The following RAB3IL1 variants were observed in gnomAD, a reference collection of about 807,000 sequenced individuals.
RAB3IL1 encodes the protein guanine nucleotide exchange factor for Rab-3A.
A neutral mutation model predicts 49.2 loss-of-function variants in RAB3IL1; 37 were observed. The observed-to-expected ratio is 0.75, with a 90% confidence interval of 0.58 to 0.99. The LOEUF is 0.99. Ranked by LOEUF, RAB3IL1 falls within the 50% of genes least tolerant of loss-of-function variation. The pLI is 0.00. For missense variants in RAB3IL1, 484 were observed against 513.0 expected, an observed-to-expected ratio of 0.94 and a Z score of 0.55; for synonymous variants, 193 against 213.9, an observed-to-expected ratio of 0.90 and a Z score of 0.85.
intron 1 of RAB3IL1, among the ~76,000 whole-genome samples, chr11:61,909,201 G>A (rs1038335403): frequency 6.6e-6 from 1 of 152,198 alleles, no homozygotes; most frequent in Non-Finnish European, 1.5e-5. Context: ...GGGGATGGGG[G>A]GCTGGGCGGG....
At chr11:61,930,427 G>A in the RAB3IL1 span, among the ~76,000 whole-genome samples, 313 of 152,298 alleles carry the variant, frequency 2.1e-3, no homozygotes, top group Middle Eastern at 6.8e-3. Flanking sequence ...ATAAGGATAT[G>A]GAAAGGGTGA....
chr11:61,931,835 G>T, the RAB3IL1 span, among the ~76,000 whole-genome samples: 35 of 152,236 alleles, frequency 2.3e-4, no homozygotes, highest in African/African-American at 7.9e-4. Context: ...AATGAGTAAG[G>T]TTGGAAGACA....
chr11:61,906,544 C>T lies in RAB3IL1; in HGVS notation c.579G>A (p.Lys193=), dbSNP rs1375377182. The T allele has an allele frequency of 2.5e-6, 4 of 1,576,020 alleles. No individual in the cohort carries two copies. Among genetic ancestry groups the T allele is most frequent in the Non-Finnish European group, 1.7e-6 (2 of 1,161,554 alleles). ...CGGGGCAGAGGGTGCTGCTGGTGCTCTTGTGGCGAGAGTGGCCCTTTCGGG... is the reference window on the plus strand; with the variant it reads ...CGGGGCAGAGGGTGCTGCTGGTGCTTTTGTGGCGAGAGTGGCCCTTTCGGG... ...AGPRKGHSRH[K]STSSTLCPAV... is the part of the protein sequence containing the mutation. The change falls in exon 5 of 10, where the codon AAG becomes AAA. Residue 193 remains lysine, a synonymous_variant. Transcript: ENST00000394836. This position sits in a 1 kb window ranked among gnomAD's most constrained non-coding sequence, Gnocchi z 4.6.
At chr11:61,903,697 T>C (rs181007753) in intron 7 of RAB3IL1, among the ~76,000 whole-genome samples, 123 of 152,254 alleles carry the variant, frequency 8.1e-4, no homozygotes, top group Non-Finnish European at 2.5e-4. Flanking sequence ...CTAACTTTTA[T>C]ATCTTTAGTA....
the RAB3IL1 span, among the ~76,000 whole-genome samples, chr11:61,940,851 T>G: frequency 6.6e-6 from 1 of 150,690 alleles, no homozygotes; most frequent in East Asian, 2.0e-4. Flanking sequence ...ACCCGGGAGG[T>G]GGAGGTTGCA....
intron 1 of RAB3IL1, among the ~76,000 whole-genome samples, chr11:61,916,937 G>T (rs1441930697): frequency 1.4e-5 from 2 of 145,762 alleles, no homozygotes; most frequent in Non-Finnish European, 3.0e-5. Flanking sequence ...CCCTGGCAAA[G>T]ACCCAGCCCC....
the RAB3IL1 span, among the ~76,000 whole-genome samples, chr11:61,944,820 C>T: frequency 6.6e-6 from 1 of 152,140 alleles, no homozygotes; most frequent in South Asian, 2.1e-4. Context: ...CCTCAGCCTC[C>T]CCGAGTAGCT....
chr11:61,924,888 C>T (rs776273512), upstream of RAB3IL1, among the ~76,000 whole-genome samples: 5 of 152,196 alleles, frequency 3.3e-5, no homozygotes, highest in Non-Finnish European at 7.3e-5. Context: ...CCGCTCTCAA[C>T]TCCTCAGAAG....
chr11:61,921,437 A>G (rs1328571682), upstream of RAB3IL1, among the ~76,000 whole-genome samples: 1 of 151,994 alleles, frequency 6.6e-6, no homozygotes, highest in Non-Finnish European at 1.5e-5. Context: ...TCTTCTTTCC[A>G]CATACTATCC....
At chr11:61,934,444 GTGTA>G in the RAB3IL1 span, among the ~76,000 whole-genome samples, 15 of 83,652 alleles carry the variant, frequency 1.8e-4, 1 homozygote, top group Admixed American at 4.8e-4. Flanking sequence ...GTGTGTGTGT[GTGTA>G]TGTATATATA....
At chr11:61,924,562 C>A (rs1264402969), upstream of RAB3IL1, among the ~76,000 whole-genome samples, 1 of 152,178 alleles carries the variant, frequency 6.6e-6, no homozygotes, top group Non-Finnish European at 1.5e-5. Context: ...TGAATCCCTT[C>A]TCTGGCTGCG....
At chr11:61,930,504 C>A in the RAB3IL1 span, among the ~76,000 whole-genome samples, 1 of 152,152 alleles carries the variant, frequency 6.6e-6, no homozygotes, top group Non-Finnish European at 1.5e-5. Flanking sequence ...TAAGACGAAT[C>A]ATGGTGAATT....
At chr11:61,911,192 C>G (rs2136052822) in intron 1 of RAB3IL1, among the ~76,000 whole-genome samples, 1 of 152,304 alleles carries the variant, frequency 6.6e-6, no homozygotes, top group South Asian at 2.1e-4. Flanking sequence ...TCTGTGACAT[C>G]CTTCCCATCA....
the RAB3IL1 span, chr11:61,945,740 T>C: frequency 1.2e-4 from 117 of 981,256 alleles, no homozygotes; most frequent in Non-Finnish European, 1.3e-4. Flanking sequence ...GGGGTGGGGG[T>C]GGGTGGAAGG....
At chr11:61,902,768 T>G (rs1350205147) in intron 7 of RAB3IL1, among the ~76,000 whole-genome samples, 1 of 152,122 alleles carries the variant, frequency 6.6e-6, no homozygotes, top group Non-Finnish European at 1.5e-5. Flanking sequence ...CTAGAACCCT[T>G]GTTTTGCCCC....
At chr11:61,899,620 C>T (rs572827939) in intron 8 of RAB3IL1, 7 of 508,612 alleles carry the variant, frequency 1.4e-5, no homozygotes, top group South Asian at 7.7e-5. Flanking sequence ...GGAGCAGACG[C>T]GCTTATTATT....
the RAB3IL1 span, among the ~76,000 whole-genome samples, chr11:61,931,726 AAAT>A: frequency 1.3e-5 from 2 of 152,206 alleles, no homozygotes; most frequent in African/African-American, 4.8e-5. Flanking sequence ...TGCATTCATG[AAAT>A]AATAACCTGA....
At chr11:61,915,042 C>G (rs944155931) in intron 1 of RAB3IL1, among the ~76,000 whole-genome samples, 6 of 152,166 alleles carry the variant, frequency 3.9e-5, no homozygotes, top group African/African-American at 1.4e-4. Flanking sequence ...ATCCCTGTTT[C>G]CTCACCCAAA....
chr11:61,934,413 C>CAT, the RAB3IL1 span, among the ~76,000 whole-genome samples: 1 of 73,482 alleles, frequency 1.4e-5, no homozygotes, highest in Non-Finnish European at 2.9e-5. Context: ...TGTATATATA[C>CAT]ATATATATGT....
Sources: allele counts gnomAD v4.1 joint callset (sites outside exome capture counted in the v4.1 genomes callset), GRCh38; gene constraint gnomAD v4.1.1; non-coding constraint Gnocchi (gnomAD v3.1); transcripts MANE v1.5; gene names NCBI Gene and HGNC (gene_info 2026-07-23, HGNC 2026-07-21).